Variants in IPCEF1 observed in about 807,000 individuals in gnomAD.
IPCEF1 encodes the protein interaction protein for cytohesin exchange factors 1, also known as interactor protein for cytohesin exchange factors 1.
Under a neutral mutation model 50.9 loss-of-function variants are expected in IPCEF1, and 31 were observed. That is an observed-to-expected ratio of 0.61 (90% CI 0.46 to 0.82). The LOEUF is 0.82. IPCEF1 is among the 40% of genes least tolerant of loss of function. IPCEF1 has a pLI of 0.00. For synonymous variants in IPCEF1, 181 were observed against 192.0 expected (o/e 0.94, Z 0.47); for missense variants, 458 against 514.0 (o/e 0.89, Z 1.05).
chr6:154,322,060 A>T (rs975027530), intron 1 of IPCEF1, among the ~76,000 whole-genome samples: 16 of 152,298 alleles, frequency 1.1e-4, no homozygotes, highest in Admixed American at 3.3e-4. Context: ...CAATCAATAT[A>T]TATCATCATA....
At chr6:154,249,516 C>G (rs996027846) in intron 3 of IPCEF1, among the ~76,000 whole-genome samples, 2 of 152,086 alleles carry the variant, frequency 1.3e-5, no homozygotes, top group Non-Finnish European at 2.9e-5. Context: ...GAGAAAAGGG[C>G]GTTGTTAACA....
chr6:154,182,144 T>C (rs1228249649), intron 10 of IPCEF1, among the ~76,000 whole-genome samples: 1 of 152,236 alleles, frequency 6.6e-6, no homozygotes, highest in Non-Finnish European at 1.5e-5. Flanking sequence ...CACCCAAGTA[T>C]AAAGCTAATG....
chr6:154,249,546 G>C (rs896331136), intron 3 of IPCEF1, among the ~76,000 whole-genome samples: 10 of 152,074 alleles, frequency 6.6e-5, no homozygotes, highest in Admixed American at 5.2e-4. Flanking sequence ...AGAGTGCTCA[G>C]GCCTCCAATG....
intron 6 of IPCEF1, among the ~76,000 whole-genome samples, chr6:154,221,655 C>T (rs893282141): frequency 6.6e-6 from 1 of 151,990 alleles, no homozygotes; most frequent in African/African-American, 2.4e-5. Context: ...GGGCAGATCA[C>T]GAGGTCAGGA....
chr6:154,173,057 C>G (rs143756064), intron 10 of IPCEF1, among the ~76,000 whole-genome samples: 60 of 152,368 alleles, frequency 3.9e-4, no homozygotes, highest in South Asian at 1.5e-3. Flanking sequence ...CAAACTCCAA[C>G]AGACGTGCAG....
Position 154,247,273 on chromosome 6 carries a change from A to T in IPCEF1, c.76+176T>A. 3 of 576,224 alleles carry T rather than the reference A, an allele frequency of 5.2e-6. No individual in the cohort carries two copies. The South Asian group carries it at 7.0e-5, about 13-fold the overall frequency. 35.7% of individuals were successfully genotyped at this position (576,224 alleles called of 1,614,324 possible). On this transcript the variant is annotated intron_variant, in intron 4 of 11. Coordinates refer to ENST00000367220, the MANE Select transcript of IPCEF1 (RefSeq NM_001130700.2). ...CCACGAGGGATTAATCCAAATGAAC[A>T]ACATGTCGTCATTTCTTAAAATCGA...
intron 1 of IPCEF1, among the ~76,000 whole-genome samples, chr6:154,353,311 T>C (rs1242159070): frequency 6.6e-6 from 1 of 150,454 alleles, no homozygotes; most frequent in African/African-American, 2.4e-5. Flanking sequence ...TTTTTTTTTT[T>C]TTGAGATGAA....
At chr6:154,252,703 C>T (rs6918042) in intron 3 of IPCEF1, among the ~76,000 whole-genome samples, 17,974 of 151,938 alleles carry the variant, frequency 0.12, 2,056 homozygotes, top group East Asian at 0.67. Context: ...AAAGAAAAAA[C>T]GAAGGATGGA....
At chr6:154,221,370 T>G in intron 6 of IPCEF1, 42 bp from the exon 7 acceptor site, 1 of 1,501,162 alleles carries the variant, frequency 6.7e-7, no homozygotes, top group Non-Finnish European at 9.3e-7. Context: ...AATTAGTGTT[T>G]ATAGTCAACA....
At chr6:154,195,764 T>C (rs1354066814) in intron 10 of IPCEF1, among the ~76,000 whole-genome samples, 1 of 151,726 alleles carries the variant, frequency 6.6e-6, no homozygotes, top group African/African-American at 2.4e-5. Flanking sequence ...TTAACATTTT[T>C]TAGACCAGAA....
chr6:154,350,385 A>G (rs1171270053), intron 1 of IPCEF1, among the ~76,000 whole-genome samples: 1 of 152,202 alleles, frequency 6.6e-6, no homozygotes, highest in Non-Finnish European at 1.5e-5. Flanking sequence ...ATGAAAGAAA[A>G]TCTTTTATAG....
At chr6:154,209,903 C>G (rs548403548) in intron 9 of IPCEF1, among the ~76,000 whole-genome samples, 1 of 152,146 alleles carries the variant, frequency 6.6e-6, no homozygotes, top group Non-Finnish European at 1.5e-5. Flanking sequence ...AATGGCCTGC[C>G]AAAAAATGCT....
intron 1 of IPCEF1, among the ~76,000 whole-genome samples, chr6:154,321,321 A>G (rs181332755): frequency 3.9e-5 from 6 of 152,238 alleles, no homozygotes; most frequent in Admixed American, 3.3e-4. Flanking sequence ...CTAATTTTAG[A>G]AGGTAAGTAA....
Position 154,223,240 on chromosome 6 carries a change from C to T in IPCEF1, c.250G>A (p.Glu84Lys), listed in dbSNP as rs1357604237. ...AGGTTGACAAATCCATCAGCTTTCT[C>T]TGCCTGAAACAAATATATACCACAA... ...SLYWYSNQMA[E>K]KADGFVNLPD... The change falls in exon 6 of 12, where the codon GAG (glutamate) becomes AAG (lysine). Residue 84 changes from glutamate to lysine, a missense_variant. Glu to Lys is a moderately conservative substitution (Grantham distance 56). Coordinates refer to ENST00000367220, the MANE Select transcript of IPCEF1 (RefSeq NM_001130700.2). 1.2e-6 allele frequency: 2 copies of T among 1,611,584 alleles called. No individual in the cohort carries two copies. The highest frequency in any genetic ancestry group is 1.3e-5 in the African/African-American group (1 of 74,914).
At chr6:154,207,558 G>GTTTTT (rs113093778) in intron 9 of IPCEF1, among the ~76,000 whole-genome samples, 2 of 151,044 alleles carry the variant, frequency 1.3e-5, no homozygotes. Context: ...AACTTTTTGG[G>GTTTTT]GTTTTTTTTG....
chr6:154,334,494 C>T (rs1783747527), intron 1 of IPCEF1, among the ~76,000 whole-genome samples: 2 of 152,200 alleles, frequency 1.3e-5, no homozygotes, highest in Admixed American at 6.5e-5. Context: ...GTTCTCCCAA[C>T]CCACCCAAGT....
intron 3 of IPCEF1, among the ~76,000 whole-genome samples, chr6:154,258,083 C>CT (rs1178425330): frequency 6.6e-6 from 1 of 152,170 alleles, no homozygotes; most frequent in Non-Finnish European, 1.5e-5. Flanking sequence ...CCCCATTCTT[C>CT]TCCTGGTTAA....
At chr6:154,239,681 G>A (rs959406166) in intron 5 of IPCEF1, among the ~76,000 whole-genome samples, 1 of 151,392 alleles carries the variant, frequency 6.6e-6, no homozygotes, top group African/African-American at 2.4e-5. Flanking sequence ...AATTTCACAT[G>A]GTTAGTTTGA....
At chr6:154,231,422 A>G (rs1779707785) in intron 5 of IPCEF1, among the ~76,000 whole-genome samples, 1 of 152,222 alleles carries the variant, frequency 6.6e-6, no homozygotes, top group Non-Finnish European at 1.5e-5. Flanking sequence ...TACCTTGGAG[A>G]ATATGTGGAA....
Sources: gnomAD v4.1 joint callset for allele counts (sites outside exome capture counted in the v4.1 genomes callset) on GRCh38, gnomAD v4.1.1 for gene constraint, MANE v1.5 for transcripts, NCBI Gene and HGNC (gene_info 2026-07-23, HGNC 2026-07-21) for gene names.